CNTNAP3B: variants seen among roughly 807,000 people sequenced by gnomAD.
CNTNAP3B encodes the protein contactin-associated protein-like 3B.
CNTNAP3B carries 25 observed loss-of-function variants against 108.9 expected under a neutral mutation model. The ratio of observed to expected loss-of-function variants is 0.23; its 90% CI spans 0.17 to 0.32. CNTNAP3B has a LOEUF of 0.32. Among genes scored for constraint, CNTNAP3B ranks in the 10% least tolerant of loss-of-function variants. The probability of loss-of-function intolerance (pLI) is 1.00; values close to 1 mark genes in which losing one functional copy is unlikely to be tolerated. For synonymous variants in CNTNAP3B, 103 were observed against 473.4 expected (o/e 0.22, Z 10.16); for missense variants, 252 against 1,210.4 (o/e 0.21, Z 11.75).
At chr9:42,070,272 C>T (rs1367005164) in intron 3 of CNTNAP3B, among the ~76,000 whole-genome samples, 71 of 151,084 alleles carry the variant, frequency 4.7e-4, no homozygotes, top group African/African-American at 1.7e-3. Context: ...ATCTGCCTGA[C>T]TTCGTGTTGG....
rs1166323524 is a variant in CNTNAP3B, at chr9:41,994,002, T to G, written c.1072-2131A>C. Reference sequence around the variant, plus strand: ...CCCAGAGACACCAGCTTAACTGTGGTTCTCCTTATTGGCTATACTCAATAA... The same window carrying G: ...CCCAGAGACACCAGCTTAACTGTGGGTCTCCTTATTGGCTATACTCAATAA... On this transcript the variant is annotated intron_variant, in intron 7 of 23. Transcript: ENST00000377561. 2.8e-5 allele frequency: 4 copies of G among 142,334 alleles called. 1 individual carries two copies. The highest frequency in any genetic ancestry group is 4.6e-5 in the Non-Finnish European group (3 of 65,590). 8.8% of individuals were successfully genotyped at this position (142,334 alleles called of 1,614,324 possible).
chr9:41,940,306 AC>A (rs1373720024), intron 13 of CNTNAP3B, among the ~76,000 whole-genome samples: 2 of 152,298 alleles, frequency 1.3e-5, no homozygotes, highest in Non-Finnish European at 2.9e-5. Flanking sequence ...TCATAATTGA[AC>A]TTTTTGGAAA....
chr9:41,942,499 T>C (rs1824384606), intron 13 of CNTNAP3B, among the ~76,000 whole-genome samples: 1 of 151,060 alleles, frequency 6.6e-6, no homozygotes, highest in African/African-American at 2.4e-5. Flanking sequence ...TAGTCCCAGC[T>C]ACTGGGGAGG....
At chr9:41,942,234 G>A (rs1487039979) in intron 13 of CNTNAP3B, among the ~76,000 whole-genome samples, 6 of 152,276 alleles carry the variant, frequency 3.9e-5, no homozygotes, top group Non-Finnish European at 7.3e-5. Flanking sequence ...CCAGCACTTT[G>A]GGAGGCCGAG....
chr9:41,944,368 A>G (rs1245408120), intron 13 of CNTNAP3B, among the ~76,000 whole-genome samples: 2 of 147,348 alleles, frequency 1.4e-5, no homozygotes, highest in Non-Finnish European at 3.0e-5. Context: ...TGGCTTATGA[A>G]TAAGTAAAAT....
At chr9:42,054,628 G>A (rs1274676775) in intron 3 of CNTNAP3B, among the ~76,000 whole-genome samples, 1 of 151,742 alleles carries the variant, frequency 6.6e-6, no homozygotes, top group Non-Finnish European at 1.5e-5. Flanking sequence ...AAGGACTGAT[G>A]ACCCAGGACA....
At chr9:41,926,721 A>G (rs1823831300) in intron 15 of CNTNAP3B, 1 of 152,426 alleles carries the variant, frequency 6.6e-6, no homozygotes, top group Non-Finnish European at 1.5e-5. Context: ...TCTCCCAAAA[A>G]GAGAAGGGAA....
At chr9:41,940,590 T>C (rs1238974214) in intron 13 of CNTNAP3B, among the ~76,000 whole-genome samples, 16 of 152,242 alleles carry the variant, frequency 1.1e-4, no homozygotes, top group Non-Finnish European at 1.3e-4. Context: ...GAGGCCGAGG[T>C]GGGCGGATCA....
At chr9:42,096,665 T>C (rs1027169523) in intron 2 of CNTNAP3B, among the ~76,000 whole-genome samples, 1 of 116,830 alleles carries the variant, frequency 8.6e-6, no homozygotes, top group African/African-American at 3.5e-5. Flanking sequence ...AGTTTTTATT[T>C]CCATTTTTAA....
intron 2 of CNTNAP3B, among the ~76,000 whole-genome samples, chr9:42,080,229 A>G (rs1424446064): frequency 1.5e-5 from 2 of 136,674 alleles, no homozygotes; most frequent in African/African-American, 2.9e-5. Flanking sequence ...GTTGGTGTTC[A>G]TGGTTGCACT....
Position 41,973,276 on chromosome 9 carries a change from T to C in CNTNAP3B, c.1478-3031A>G, listed in dbSNP as rs1167819056. Among the ~76,000 whole-genome samples the C allele has an allele frequency of 3.7e-5, 5 of 133,584 alleles. No homozygotes were observed. In the Admixed American group the frequency reaches 3.9e-4, roughly 10 times the overall value. 87.6% of individuals were successfully genotyped at this position (133,584 alleles called of 152,430 possible). On this transcript the variant is annotated intron_variant, in intron 9 of 23. Coordinates refer to ENST00000377561, the MANE Select transcript of CNTNAP3B (RefSeq NM_001201380.3). ...TATTCTTAAAAGAAAATGAATTCGA[T>C]AACTCTGTTAGAAAAAAAAAAACTA...
chr9:42,060,656 CTTTA>C (rs1409054262), intron 3 of CNTNAP3B, among the ~76,000 whole-genome samples: 2 of 128,978 alleles, frequency 1.6e-5, no homozygotes, highest in African/African-American at 3.2e-5. Flanking sequence ...GGGCCTAGGT[CTTTA>C]TTTAATTAGA....
At chr9:42,028,805 GAAA>G (rs55930965) in intron 3 of CNTNAP3B, among the ~76,000 whole-genome samples, 1 of 148,882 alleles carries the variant, frequency 6.7e-6, no homozygotes, top group Non-Finnish European at 1.5e-5. Flanking sequence ...TTTGCATTCA[GAAA>G]AAAAATTGAT....
In CNTNAP3B at chr9:42,077,423, T is replaced by C. The variant is rs144311703; in HGVS notation, c.197-361A>G. 3.6e-5 allele frequency among the ~76,000 whole-genome samples: 5 copies of C among 138,144 alleles called. No individual in the cohort carries two copies. The South Asian group carries it at 1.2e-3, about 33-fold the overall frequency. The allele number at this position is 138,144 out of a possible 152,430, so 90.6% of individuals were successfully genotyped here. A position where few individuals can be genotyped will look rare whatever the true frequency, so the allele number is the denominator to read the frequency against. On this transcript the variant is annotated intron_variant, in intron 2 of 23. Transcript: ENST00000377561. ...TAAATTCCAGTAGTAGGAAGTACAG[T>C]ATTAAGCACTGATAAAAGAAAGACA... is the stretch of plus-strand genomic sequence containing the variant.
chr9:41,933,889 T>A lies in CNTNAP3B; in HGVS notation c.2237+4355A>T, dbSNP rs1013169847. ...GTAAAATTTGTTAAGATTCCATCCA[T>A]TTACAAAATTTTTTATACTTATTCA... is the stretch of plus-strand genomic sequence containing the variant. On this transcript the variant is annotated intron_variant, in intron 14 of 23. Coordinates refer to ENST00000377561, the MANE Select transcript of CNTNAP3B (RefSeq NM_001201380.3). 3.3e-5 allele frequency among the ~76,000 whole-genome samples: 5 copies of A among 152,318 alleles called. No homozygotes were observed. In the South Asian group the frequency reaches 1.0e-3, roughly 32 times the overall value.
intron 3 of CNTNAP3B, among the ~76,000 whole-genome samples, chr9:42,069,280 CTATT>C (rs1827325158): frequency 7.5e-6 from 1 of 132,988 alleles, no homozygotes; most frequent in South Asian, 2.5e-4. Context: ...AGCCCATTGA[CTATT>C]TAACTCATAG....
chr9:41,972,676 A>G (rs866474260), intron 9 of CNTNAP3B, among the ~76,000 whole-genome samples: 2 of 135,260 alleles, frequency 1.5e-5, no homozygotes, highest in South Asian at 2.4e-4. Flanking sequence ...AAGTTTGAAG[A>G]CTAAAATCTT....
At chr9:41,966,910 T>A (rs2118243176) in intron 10 of CNTNAP3B, among the ~76,000 whole-genome samples, 1 of 150,226 alleles carries the variant, frequency 6.7e-6, no homozygotes, top group South Asian at 2.1e-4. Context: ...GAGCTTGCAG[T>A]GAGCCGAGAT....
Position 42,125,595 on chromosome 9 carries a change from C to T in CNTNAP3B, c.85+3415G>A, listed in dbSNP as rs1375409099. 2.9e-5 allele frequency among the ~76,000 whole-genome samples: 4 copies of T among 138,720 alleles called. 2 individuals carry two copies. Among genetic ancestry groups the T allele is most frequent in the Non-Finnish European group, 6.2e-5 (4 of 64,818 alleles). 91.0% of individuals were successfully genotyped at this position (138,720 alleles called of 152,430 possible). The stretch of plus-strand genomic sequence containing the variant: ...TGGAATTGATTATCATTTCCATGGG[C>T]TACTTCAGCTCCGTACTGTTTGTAT... On this transcript the variant is annotated intron_variant, in intron 1 of 23. Coordinates refer to ENST00000377561, the MANE Select transcript of CNTNAP3B (RefSeq NM_001201380.3).
Sources: allele counts gnomAD v4.1 joint callset (sites outside exome capture counted in the v4.1 genomes callset), GRCh38; gene constraint gnomAD v4.1.1; transcripts MANE v1.5; gene names NCBI Gene and HGNC (gene_info 2026-07-23, HGNC 2026-07-21).